The following RBFOX1 variants were observed in gnomAD, a reference collection of about 807,000 sequenced individuals.
RBFOX1 encodes the protein RNA binding protein fox-1 homolog 1.
A neutral mutation model predicts 57.7 loss-of-function variants in RBFOX1; 8 were observed. The ratio of observed to expected loss-of-function variants is 0.14; its 90% CI spans 0.08 to 0.25. The LOEUF is 0.25. Among genes scored for constraint, RBFOX1 ranks in the 10% least tolerant of loss-of-function variants. The probability of loss-of-function intolerance (pLI) is 1.00; values close to 1 mark genes in which losing one functional copy is unlikely to be tolerated. For missense variants in RBFOX1, 611 were observed against 548.5 expected (o/e 1.11, Z -1.14); for synonymous variants, 326 against 222.4 (o/e 1.47, Z -4.15).
intron 3 of RBFOX1, among the ~76,000 whole-genome samples, chr16:6,710,501 C>T (rs1421896025): frequency 1.3e-5 from 2 of 152,180 alleles, no homozygotes; most frequent in African/African-American, 4.8e-5. Flanking sequence ...TTTAAACTAG[C>T]CACATTCCAA....
intron 4 of RBFOX1, among the ~76,000 whole-genome samples, chr16:7,102,639 A>T (rs1352371852): frequency 2.0e-5 from 3 of 152,142 alleles, no homozygotes; most frequent in Non-Finnish European, 4.4e-5. Flanking sequence ...TGAAATGCAA[A>T]ATCCATCTAT....
intron 5 of RBFOX1, among the ~76,000 whole-genome samples, chr16:7,554,488 G>A (rs1480919609): frequency 2.0e-5 from 3 of 152,070 alleles, no homozygotes; most frequent in African/African-American, 4.8e-5. Context: ...TTCAGCCTGA[G>A]TCGTGTAGAC....
chr16:6,634,338 T>G (rs776163049), intron 2 of RBFOX1, among the ~76,000 whole-genome samples: 1 of 151,978 alleles, frequency 6.6e-6, no homozygotes, highest in East Asian at 1.9e-4. Context: ...AAGGTTCATG[T>G]CCCAGATCCA....
chr16:6,919,796 T>A (rs946820912), intron 3 of RBFOX1, among the ~76,000 whole-genome samples: 5 of 150,220 alleles, frequency 3.3e-5, no homozygotes, highest in African/African-American at 4.9e-5. Context: ...TCATTATTAT[T>A]ATTTCAATAG....
chr16:5,655,233 A>G (rs528152242), intron 3 of RBFOX1, among the ~76,000 whole-genome samples: 1 of 152,218 alleles, frequency 6.6e-6, no homozygotes, highest in Non-Finnish European at 1.5e-5. Context: ...GGCTTGTGAT[A>G]ATATGTGAGG....
At chr16:6,806,312 T>G (rs1239228582) in intron 3 of RBFOX1, among the ~76,000 whole-genome samples, 1 of 152,182 alleles carries the variant, frequency 6.6e-6, no homozygotes, top group African/African-American at 2.4e-5. Flanking sequence ...CTGATAATGT[T>G]GAATATTTAC....
intron 8 of RBFOX1, among the ~76,000 whole-genome samples, chr16:7,596,355 C>A (rs1054083213): frequency 6.6e-6 from 1 of 151,530 alleles, no homozygotes; most frequent in Non-Finnish European, 1.5e-5. Flanking sequence ...GCCACAGGGT[C>A]ATATTTGTTA....
chr16:5,762,972 T>A (rs1045754920), intron 3 of RBFOX1, among the ~76,000 whole-genome samples: 8 of 152,216 alleles, frequency 5.3e-5, no homozygotes, highest in African/African-American at 2.4e-5. Context: ...TGTGAATGAT[T>A]TTTTAATTTT....
At chr16:7,377,955 A>G (rs1449179114) in intron 4 of RBFOX1, among the ~76,000 whole-genome samples, 1 of 150,554 alleles carries the variant, frequency 6.6e-6, no homozygotes, top group East Asian at 1.9e-4. Context: ...AGGAAAGAAG[A>G]CAGCCAGGGA....
chr16:6,804,006 A>G (rs1165353790), intron 3 of RBFOX1, among the ~76,000 whole-genome samples: 1 of 151,312 alleles, frequency 6.6e-6, no homozygotes, highest in Non-Finnish European at 1.5e-5. Context: ...CATAAAACTC[A>G]TACAATTTTT....
At chr16:6,136,005 G>A (rs779060108) in intron 1 of RBFOX1, among the ~76,000 whole-genome samples, 9 of 151,978 alleles carry the variant, frequency 5.9e-5, no homozygotes, top group Non-Finnish European at 1.2e-4. Context: ...ATGTCGGCCA[G>A]GCTGGTCTCG....
chr16:5,725,795 C>A (rs2052128703), intron 3 of RBFOX1, among the ~76,000 whole-genome samples: 1 of 151,938 alleles, frequency 6.6e-6, no homozygotes, highest in Non-Finnish European at 1.5e-5. Flanking sequence ...TGCCCTCTCC[C>A]CACTCAGGGC....
In RBFOX1 at chr16:5,769,979, C is replaced by T. The variant is rs531923453; in HGVS notation, c.319-97324C>T. Among the ~76,000 whole-genome samples, 4 of 152,244 alleles carry T rather than the reference C, an allele frequency of 2.6e-5. No individual in the cohort carries two copies. The East Asian group carries it at 5.8e-4, about 22-fold the overall frequency. Reference sequence around the variant, plus strand: ...AGGTATGTGCTAGAGACTTGTACTCCTCTGGCTAAGGGAGAGGTTACAGAG... The same window carrying T: ...AGGTATGTGCTAGAGACTTGTACTCTTCTGGCTAAGGGAGAGGTTACAGAG... On this transcript the variant is annotated intron_variant, in intron 3 of 19. Coordinates refer to the RBFOX1 transcript ENST00000641259.
At chr16:6,911,652 C>G (rs1021429481) in intron 3 of RBFOX1, among the ~76,000 whole-genome samples, 13 of 152,176 alleles carry the variant, frequency 8.5e-5, no homozygotes, top group Non-Finnish European at 1.5e-4. Flanking sequence ...GCTTCAACAT[C>G]TTTTGGTGGG....
At chr16:7,212,508 G>C (rs2091333690) in intron 4 of RBFOX1, among the ~76,000 whole-genome samples, 1 of 152,070 alleles carries the variant, frequency 6.6e-6, no homozygotes, top group Non-Finnish European at 1.5e-5. Flanking sequence ...CCCTAGAGTG[G>C]GGTTTCTCAA....
At chr16:6,079,017 A>G (rs1311293046) in intron 1 of RBFOX1, among the ~76,000 whole-genome samples, 1 of 152,120 alleles carries the variant, frequency 6.6e-6, no homozygotes, top group African/African-American at 2.4e-5. Flanking sequence ...TGTAAAAGTC[A>G]TTTTTCTCTG....
At chr16:7,010,199 T>C (rs1189504866) in intron 3 of RBFOX1, among the ~76,000 whole-genome samples, 10 of 152,252 alleles carry the variant, frequency 6.6e-5, no homozygotes, top group Non-Finnish European at 1.0e-4. Context: ...CTTATACATA[T>C]ATGTCATTAT....
intron 3 of RBFOX1, among the ~76,000 whole-genome samples, chr16:6,733,582 G>C (rs2069230695): frequency 6.6e-6 from 1 of 152,146 alleles, no homozygotes; most frequent in Admixed American, 6.5e-5. Context: ...GCCTGCAGTA[G>C]TTAAAAACCT....
chr16:6,154,131 C>T (rs17195737), intron 1 of RBFOX1, among the ~76,000 whole-genome samples: 5,704 of 152,284 alleles, frequency 0.037, 110 homozygotes, highest in Middle Eastern at 0.12. Context: ...CATAATCTCA[C>T]GCTGACGCTT....
Sources: allele counts gnomAD v4.1 joint callset (sites outside exome capture counted in the v4.1 genomes callset), GRCh38; gene constraint gnomAD v4.1.1; transcripts MANE v1.5; gene names NCBI Gene and HGNC (gene_info 2026-07-23, HGNC 2026-07-21).